Variants in AGBL4 observed in about 807,000 individuals in gnomAD.
AGBL4 encodes the protein cytosolic carboxypeptidase 6.
A neutral mutation model predicts 66.4 loss-of-function variants in AGBL4; 58 were observed. The observed-to-expected ratio is 0.87, with a 90% CI of 0.71 to 1.09. The LOEUF (loss-of-function observed/expected upper bound fraction) is 1.09. Among genes scored for constraint, AGBL4 ranks in the 50% least tolerant of loss-of-function variants. AGBL4 has a pLI of 0.00. For synonymous variants in AGBL4, 234 were observed against 222.9 expected, an observed-to-expected ratio of 1.05 and a Z score of -0.44; for missense variants, 579 against 631.0, an observed-to-expected ratio of 0.92 and a Z score of 0.88.
intron 3 of AGBL4, among the ~76,000 whole-genome samples, chr1:49,497,631 T>G (rs902488986): frequency 5.9e-5 from 9 of 152,066 alleles, no homozygotes; most frequent in African/African-American, 1.9e-4. Context: ...TACCATTTAT[T>G]GAAGAGACTG....
intron 6 of AGBL4, among the ~76,000 whole-genome samples, chr1:48,849,951 T>A (rs1270925663): frequency 6.6e-6 from 1 of 152,080 alleles, no homozygotes. Context: ...CCAGCCTGGG[T>A]GAGAGAGCAA....
At chr1:50,007,759 C>G (rs1301064935) in intron 1 of AGBL4, among the ~76,000 whole-genome samples, 1 of 152,004 alleles carries the variant, frequency 6.6e-6, no homozygotes, top group Non-Finnish European at 1.5e-5. Flanking sequence ...GAGTGAGACC[C>G]TGTCCAAATA....
At chr1:48,838,363 T>G (rs1328816654) in intron 6 of AGBL4, among the ~76,000 whole-genome samples, 1 of 151,976 alleles carries the variant, frequency 6.6e-6, no homozygotes, top group Non-Finnish European at 1.5e-5. Context: ...TAGAACAGAA[T>G]AGAAAACCCA....
chr1:49,419,659 A>G (rs917676136), intron 3 of AGBL4, among the ~76,000 whole-genome samples: 3 of 152,194 alleles, frequency 2.0e-5, no homozygotes, highest in Non-Finnish European at 2.9e-5. Context: ...TTCTATCCCA[A>G]TGGACAAAAT....
chr1:49,385,811 G>A (rs1350708970), intron 3 of AGBL4, among the ~76,000 whole-genome samples: 2 of 152,000 alleles, frequency 1.3e-5, no homozygotes, highest in East Asian at 3.9e-4. Context: ...GGTATTCTGT[G>A]GCCTAAACTT....
chr1:49,775,845 A>C (rs2147893504), intron 2 of AGBL4, among the ~76,000 whole-genome samples: 1 of 152,260 alleles, frequency 6.6e-6, no homozygotes, highest in South Asian at 2.1e-4. Flanking sequence ...TATGAGGGGA[A>C]AAGTAAAAGA....
chr1:49,937,215 A>T (rs945466941), intron 1 of AGBL4, among the ~76,000 whole-genome samples: 3 of 152,202 alleles, frequency 2.0e-5, no homozygotes, highest in African/African-American at 7.2e-5. Flanking sequence ...ACAGACATTA[A>T]ACCAACAAAG....
At chr1:48,715,099 G>T (rs1647028764) in intron 6 of AGBL4, among the ~76,000 whole-genome samples, 1 of 152,236 alleles carries the variant, frequency 6.6e-6, no homozygotes, top group African/African-American at 2.4e-5. Context: ...CAACCTTTCT[G>T]AAGAGGAAGA....
At chr1:49,030,976 G>A (rs138887965) in intron 5 of AGBL4, among the ~76,000 whole-genome samples, 1 of 151,966 alleles carries the variant, frequency 6.6e-6, no homozygotes, top group Non-Finnish European at 1.5e-5. Context: ...TGGTCAAAGG[G>A]TACAAAGTTT....
At chr1:48,717,515 T>C (rs951746975) in intron 6 of AGBL4, among the ~76,000 whole-genome samples, 1 of 152,210 alleles carries the variant, frequency 6.6e-6, no homozygotes, top group African/African-American at 2.4e-5. Context: ...TGAAAGTCAA[T>C]GTGTGTGCGT....
At chr1:48,810,928 G>A (rs538505444) in intron 6 of AGBL4, among the ~76,000 whole-genome samples, 1 of 152,284 alleles carries the variant, frequency 6.6e-6, no homozygotes, top group South Asian at 2.1e-4. Context: ...TTTCCCACAT[G>A]CTGATTGTCT....
intron 4 of AGBL4, among the ~76,000 whole-genome samples, chr1:49,063,105 G>A (rs1439615929): frequency 6.6e-6 from 1 of 152,130 alleles, no homozygotes; most frequent in African/African-American, 2.4e-5. Context: ...GAAATCAGAA[G>A]TATAGGAGGC....
intron 3 of AGBL4, among the ~76,000 whole-genome samples, chr1:49,676,628 C>CAAA (rs1646584011): frequency 6.6e-6 from 1 of 152,058 alleles, no homozygotes; most frequent in East Asian, 1.9e-4. Flanking sequence ...ATTAAGAATT[C>CAAA]ACAAACATTT....
intron 3 of AGBL4, among the ~76,000 whole-genome samples, chr1:49,532,713 A>G (rs1651235128): frequency 6.6e-6 from 1 of 152,096 alleles, no homozygotes; most frequent in African/African-American, 2.4e-5. Context: ...TATTCTAGGC[A>G]TTGTCCTGGA....
At chr1:49,538,055 A>T (rs1337811832) in intron 3 of AGBL4, among the ~76,000 whole-genome samples, 5 of 152,236 alleles carry the variant, frequency 3.3e-5, no homozygotes, top group Admixed American at 2.6e-4. Flanking sequence ...TCAAAGAACT[A>T]AAAATAGAAC....
At chr1:49,102,628 G>T (rs1645223475) in intron 4 of AGBL4, among the ~76,000 whole-genome samples, 1 of 152,066 alleles carries the variant, frequency 6.6e-6, no homozygotes, top group Admixed American at 6.6e-5. Context: ...CACATAATAG[G>T]ATCTTAGTAT....
rs951830064 is a variant in AGBL4 at position 49,315,819 on chromosome 1, T to C, written c.283-69955A>G. ...ACAAAAATCTGTGCATGAATGTTTA[T>C]AGCAGCTTTATCCATAATTGGCAAA... On this transcript the variant is annotated intron_variant, in intron 3 of 13. Transcript: ENST00000371839. 5.3e-5 allele frequency among the ~76,000 whole-genome samples: 8 copies of C among 152,198 alleles called. No homozygotes were observed. In the East Asian group the frequency reaches 9.6e-4, roughly 18 times the overall value.
At chr1:48,987,516 A>G (rs529589887) in intron 5 of AGBL4, among the ~76,000 whole-genome samples, 83 of 152,242 alleles carry the variant, frequency 5.5e-4, no homozygotes, top group African/African-American at 1.9e-3. Flanking sequence ...GAAGATACAT[A>G]AAGCAAAAAT....
intron 8 of AGBL4, among the ~76,000 whole-genome samples, chr1:48,650,991 G>C (rs547240253): frequency 2.0e-4 from 30 of 152,348 alleles, no homozygotes; most frequent in African/African-American, 7.0e-4. Context: ...GTAGAGAGTA[G>C]TGTGGCTGGC....
Sources: allele counts gnomAD v4.1 joint callset (sites outside exome capture counted in the v4.1 genomes callset), GRCh38; gene constraint gnomAD v4.1.1; transcripts MANE v1.5; gene names NCBI Gene and HGNC (gene_info 2026-07-23, HGNC 2026-07-21).